The following AGBL4 variants were observed in gnomAD, a reference collection of about 807,000 sequenced individuals.
AGBL4 encodes AGBL carboxypeptidase 4, also known as cytosolic carboxypeptidase 6.
AGBL4 carries 58 observed loss-of-function variants against 66.4 expected under a neutral mutation model. That is an observed-to-expected ratio of 0.87 (90% CI 0.71 to 1.09). The LOEUF (loss-of-function observed/expected upper bound fraction) is 1.09. Ranked by LOEUF, AGBL4 falls within the 50% of genes least tolerant of loss-of-function variation. The pLI is 0.00. For synonymous variants in AGBL4, 234 were observed against 222.9 expected (o/e 1.05, Z -0.44); for missense variants, 579 against 631.0 (o/e 0.92, Z 0.88).
intron 6 of AGBL4, chr1:48,759,063 C>A: frequency 6.2e-7 from 1 of 1,613,540 alleles, no homozygotes; most frequent in African/African-American, 1.3e-5. Flanking sequence ...GCATCTCTTC[C>A]TGTTGCTGCT....
At chr1:48,878,815 C>T (rs1243245679) in intron 5 of AGBL4, among the ~76,000 whole-genome samples, 1 of 152,162 alleles carries the variant, frequency 6.6e-6, no homozygotes, top group Non-Finnish European at 1.5e-5. Context: ...GAAAGTGATG[C>T]AACATTAATC....
chr1:49,395,694 T>C (rs984273620), intron 3 of AGBL4, among the ~76,000 whole-genome samples: 2 of 146,774 alleles, frequency 1.4e-5, no homozygotes, highest in African/African-American at 5.0e-5. Flanking sequence ...TGTGGAAAAA[T>C]TGTCTTCCAC....
chr1:49,300,526 C>G (rs1228416443), intron 3 of AGBL4, among the ~76,000 whole-genome samples: 1 of 152,098 alleles, frequency 6.6e-6, no homozygotes, highest in African/African-American at 2.4e-5. Flanking sequence ...TATAGCGGTT[C>G]CCTGAACAGG....
intron 5 of AGBL4, among the ~76,000 whole-genome samples, chr1:48,954,555 T>C (rs932509905): frequency 1.5e-4 from 23 of 152,234 alleles, no homozygotes; most frequent in African/African-American, 5.5e-4. Flanking sequence ...TGAGATACTA[T>C]GTAGAAAAGT....
At chr1:49,304,911 T>C (rs995256626) in intron 3 of AGBL4, among the ~76,000 whole-genome samples, 1 of 152,206 alleles carries the variant, frequency 6.6e-6, no homozygotes, top group South Asian at 2.1e-4. Context: ...ACATTTTTAG[T>C]ATGTAATTTG....
At chr1:49,844,577 G>C (rs1254141584) in intron 2 of AGBL4, 1 of 1,018,240 alleles carries the variant, frequency 9.8e-7, no homozygotes, top group Non-Finnish European at 1.4e-6. Flanking sequence ...AAAGCCACTT[G>C]CACCTTGAAC....
intron 3 of AGBL4, among the ~76,000 whole-genome samples, chr1:49,262,778 C>T (rs1211204419): frequency 6.6e-6 from 1 of 152,142 alleles, no homozygotes; most frequent in African/African-American, 2.4e-5. Flanking sequence ...CTAGAAATAC[C>T]ATTTAACCCA....
intron 6 of AGBL4, among the ~76,000 whole-genome samples, chr1:48,741,102 C>T (rs1267194686): frequency 6.6e-6 from 1 of 152,168 alleles, no homozygotes; most frequent in African/African-American, 2.4e-5. Flanking sequence ...ATCCATCAGC[C>T]TTCAAGGCAA....
At chr1:49,596,201 C>T (rs889691477) in intron 3 of AGBL4, among the ~76,000 whole-genome samples, 8 of 152,284 alleles carry the variant, frequency 5.3e-5, no homozygotes, top group South Asian at 4.1e-4. Context: ...GACTGTCACT[C>T]TCTCACCCAG....
chr1:48,605,406 G>A (rs1043675873), intron 9 of AGBL4, among the ~76,000 whole-genome samples: 1 of 152,216 alleles, frequency 6.6e-6, no homozygotes, highest in East Asian at 1.9e-4. Flanking sequence ...TGCCCTCCAA[G>A]GCTTTGCTCA....
intron 2 of AGBL4, among the ~76,000 whole-genome samples, chr1:49,809,459 C>T (rs932551695): frequency 2.0e-5 from 3 of 152,014 alleles, no homozygotes; most frequent in African/African-American, 4.8e-5. Flanking sequence ...GTTGGTGGAA[C>T]TATTATAGCA....
chr1:49,094,092 A>G (rs1275576982), intron 4 of AGBL4, among the ~76,000 whole-genome samples: 2 of 152,154 alleles, frequency 1.3e-5, no homozygotes, highest in Non-Finnish European at 2.9e-5. Flanking sequence ...AAAGGATGGA[A>G]TAGGCCAAGA....
At chr1:49,912,843 G>A (rs1024374335) in intron 1 of AGBL4, among the ~76,000 whole-genome samples, 4 of 152,166 alleles carry the variant, frequency 2.6e-5, no homozygotes, top group African/African-American at 9.7e-5. Context: ...AGAAGGGCAA[G>A]AGAACATGTG....
chr1:49,291,195 C>G (rs1570357584), intron 3 of AGBL4, among the ~76,000 whole-genome samples: 1 of 152,282 alleles, frequency 6.6e-6, no homozygotes, highest in East Asian at 1.9e-4. Flanking sequence ...ATAATTTAAA[C>G]CTTCTCTCAA....
chr1:49,683,137 T>TA (rs959428379), intron 3 of AGBL4, among the ~76,000 whole-genome samples: 144 of 151,870 alleles, frequency 9.5e-4, no homozygotes, highest in Non-Finnish European at 8.8e-4. Context: ...CATTTTCAAT[T>TA]AAAAAAAACA....
rs189538578 is a variant in AGBL4 at position 49,786,034 on chromosome 1, G to T, written c.157+65362C>A. ...ATGAAAGCAGAACATTACCTAAACC[G>T]TTATCCATCCCATTGATGCTTTTAC... On this transcript the variant is annotated intron_variant, in intron 2 of 13. Transcript: ENST00000371839. Among the ~76,000 whole-genome samples the T allele has an allele frequency of 2.9e-3, 436 of 151,782 alleles. 3 individuals are homozygous for T. The highest frequency in any genetic ancestry group is 9.8e-3 in the South Asian group (47 of 4,804).
At chr1:48,872,348 A>G (rs1648754471) in intron 5 of AGBL4, among the ~76,000 whole-genome samples, 1 of 152,158 alleles carries the variant, frequency 6.6e-6, no homozygotes, top group African/African-American at 2.4e-5. Context: ...TTTGTTTTGA[A>G]GTAGGAGAGT....
At chr1:49,127,705 ATCCC>A (rs1403904661) in intron 4 of AGBL4, among the ~76,000 whole-genome samples, 4 of 152,080 alleles carry the variant, frequency 2.6e-5, no homozygotes, top group Non-Finnish European at 5.9e-5. Flanking sequence ...TTTCTCATTG[ATCCC>A]TTGGGTTATT....
intron 2 of AGBL4, among the ~76,000 whole-genome samples, chr1:49,712,778 C>G (rs1051601843): frequency 1.3e-5 from 2 of 151,892 alleles, no homozygotes; most frequent in Non-Finnish European, 2.9e-5. Flanking sequence ...TGAATCTCAG[C>G]TCTACCACTT....
Sources: gnomAD v4.1 joint callset for allele counts (sites outside exome capture counted in the v4.1 genomes callset) on GRCh38, gnomAD v4.1.1 for gene constraint, MANE v1.5 for transcripts, NCBI Gene and HGNC (gene_info 2026-07-23, HGNC 2026-07-21) for gene names.